Variants in XPO4 observed in about 807,000 individuals in gnomAD.
XPO4 encodes the protein exportin-4.
Under a neutral mutation model 143.0 loss-of-function variants are expected in XPO4, and 39 were observed. The observed-to-expected ratio is 0.27, with a 90% CI of 0.21 to 0.36. The LOEUF is 0.36. Among genes scored for constraint, XPO4 ranks in the 10% least tolerant of loss-of-function variants. The pLI, the probability that XPO4 is intolerant of heterozygous loss-of-function variation, is 1.00. For missense variants in XPO4, 907 were observed against 1,348.0 expected, an observed-to-expected ratio of 0.67 and a Z score of 5.12; for synonymous variants, 439 against 474.0, an observed-to-expected ratio of 0.93 and a Z score of 0.96.
intron 5 of XPO4, 54 bp from the exon 6 acceptor site, chr13:20,843,102 C>T (rs1331470786): frequency 1.1e-5 from 16 of 1,483,954 alleles, no homozygotes; most frequent in African/African-American, 1.4e-5. Context: ...CAAAATGTAT[C>T]CCCTTTTAGA....
At chr13:20,893,818 G>A (rs933466732) in intron 1 of XPO4, among the ~76,000 whole-genome samples, 1 of 151,832 alleles carries the variant, frequency 6.6e-6, no homozygotes, top group Admixed American at 6.6e-5. Flanking sequence ...AACCTCCGTA[G>A]GTAAGGCAAA....
intron 19 of XPO4, among the ~76,000 whole-genome samples, chr13:20,789,843 C>T (rs954141287): frequency 6.6e-6 from 1 of 152,112 alleles, no homozygotes. Flanking sequence ...CATCCCCACC[C>T]TTATCCTGCT....
intron 4 of XPO4, among the ~76,000 whole-genome samples, chr13:20,854,151 A>C (rs890433020): frequency 6.6e-6 from 1 of 152,244 alleles, no homozygotes; most frequent in African/African-American, 2.4e-5. Flanking sequence ...ATGAATTTCT[A>C]AGGAAAACAA....
At chr13:20,856,765 A>ATATT (rs1201221184) in intron 3 of XPO4, 11 of 868,178 alleles carry the variant, frequency 1.3e-5, no homozygotes, top group Non-Finnish European at 1.5e-5. Flanking sequence ...AACTGCAGAC[A>ATATT]TATTGACCTT....
chr13:20,799,425 TA>T, intron 15 of XPO4, 86 bp from the exon 16 acceptor site: 2 of 1,205,608 alleles, frequency 1.7e-6, no homozygotes, highest in Non-Finnish European at 2.2e-6. Context: ...AAAACAAAAA[TA>T]AAAAATAACT....
At chr13:20,870,572 A>G (rs989439267) in intron 1 of XPO4, among the ~76,000 whole-genome samples, 5 of 152,082 alleles carry the variant, frequency 3.3e-5, no homozygotes, top group Non-Finnish European at 7.4e-5. Context: ...TCTACTAAAA[A>G]TACAAAAATG....
Position 20,841,832 on chromosome 13 carries a change from C to T in XPO4, c.727+1063G>A, listed in dbSNP as rs571963981. 4.0e-5 allele frequency among the ~76,000 whole-genome samples: 6 copies of T among 151,456 alleles called. No individual in the cohort carries two copies. The South Asian group carries it at 1.3e-3, about 32-fold the overall frequency. On this transcript the variant is annotated intron_variant, in intron 6 of 22. Coordinates refer to ENST00000255305, the MANE Select transcript of XPO4 (RefSeq NM_022459.5). ...TGTTACAATAAAAATGAGTCCCATA[C>T]TAGATCTCTGATCTGATTTCACATC...
intron 3 of XPO4, chr13:20,857,789 G>T (rs1314298348): frequency 1.1e-6 from 1 of 931,058 alleles, no homozygotes; most frequent in Non-Finnish European, 1.3e-6. Flanking sequence ...GCCCAATGCT[G>T]CAGAGTTAAG....
rs1042836970 is a variant in XPO4 at position 20,809,561 on chromosome 13, C to T, written c.1350+230G>A. ...CCAGACATCCATGGCCCAAATTATT[C>T]ATATCTCTTGACAGCTAGACAGAAA... On this transcript the variant is annotated intron_variant, in intron 10 of 22. Coordinates refer to ENST00000255305, the MANE Select transcript of XPO4 (RefSeq NM_022459.5). Among the ~76,000 whole-genome samples the T allele has an allele frequency of 8.7e-4, 133 of 152,148 alleles. 1 individual carries two copies. Among genetic ancestry groups the T allele is most frequent in the African/African-American group, 3.1e-3 (130 of 41,440 alleles).
Position 20,800,260 on chromosome 13 carries a change from G to A in XPO4, c.2043C>T (p.Tyr681=), listed in dbSNP as rs2059414351. Residue 681 remains tyrosine, a synonymous_variant, in exon 15 of 23, where the codon TAC becomes TAT. Transcript: ENST00000255305. ...GGTTACTGATGACTTTTTGTAAGAG[G>A]TAGCCAATTATCCACTGAGAACCCT... The part of the protein sequence containing the change: ...DTEGSQWIIG[Y]LLQKVISNLS... 3 of 1,614,036 alleles carry A rather than the reference G, an allele frequency of 1.9e-6. No individual in the cohort carries two copies. In the South Asian group the frequency reaches 3.3e-5, roughly 18 times the overall value.
At position 20,807,654 on chromosome 13, in the gene XPO4, A is replaced by T. The variant is rs2137883170; in HGVS notation, c.1640-20T>A. The T allele has an allele frequency of 6.5e-7, 1 of 1,541,508 alleles. No homozygotes were observed. The highest frequency in any genetic ancestry group is 1.3e-5 in the South Asian group (1 of 78,366). ...GGTAGCCTTCAGTTTAAAAAAAATT[A>T]AAAATGAACACTTAACAAATCTACA... On this transcript the variant is annotated intron_variant, in intron 12 of 22. Transcript: ENST00000255305.
At chr13:20,823,858 G>T (rs1032995052) in intron 7 of XPO4, among the ~76,000 whole-genome samples, 19 of 152,158 alleles carry the variant, frequency 1.2e-4, no homozygotes, top group Admixed American at 1.1e-3. Context: ...CGCCATGTTG[G>T]CCAGGCTGGT....
intron 7 of XPO4, among the ~76,000 whole-genome samples, chr13:20,826,246 A>G (rs963195669): frequency 6.6e-6 from 1 of 152,228 alleles, no homozygotes; most frequent in South Asian, 2.1e-4. Context: ...CTTGATATTT[A>G]GCCAATAATA....
chr13:20,807,012 C>T (rs534117024), intron 13 of XPO4, among the ~76,000 whole-genome samples: 109 of 152,144 alleles, frequency 7.2e-4, no homozygotes, highest in African/African-American at 2.2e-3. Context: ...ATACATATTT[C>T]CATTTTACGA....
At chr13:20,805,536 C>T (rs1164007376) in intron 13 of XPO4, among the ~76,000 whole-genome samples, 1 of 152,142 alleles carries the variant, frequency 6.6e-6, no homozygotes, top group Admixed American at 6.5e-5. Flanking sequence ...CCCCAGACAC[C>T]TTCATGGCCT....
intron 6 of XPO4, among the ~76,000 whole-genome samples, chr13:20,833,718 T>C (rs907560363): frequency 2.4e-4 from 36 of 151,870 alleles, no homozygotes; most frequent in African/African-American, 7.5e-4. Context: ...ACAACATGCA[T>C]AGGGAGAAAA....
At chr13:20,869,586 AT>A in intron 1 of XPO4, 1 of 808,908 alleles carries the variant, frequency 1.2e-6, no homozygotes, top group Non-Finnish European at 1.5e-6. Flanking sequence ...ACAATCAATT[AT>A]ATTAGATCAA....
At chr13:20,826,453 T>G (rs898963910) in intron 7 of XPO4, among the ~76,000 whole-genome samples, 9 of 152,206 alleles carry the variant, frequency 5.9e-5, no homozygotes, top group African/African-American at 2.2e-4. Flanking sequence ...CATAATAATA[T>G]GAAGACAGTA....
chr13:20,813,957 CAAA>C (rs557631755), intron 9 of XPO4, among the ~76,000 whole-genome samples: 8 of 89,786 alleles, frequency 8.9e-5, no homozygotes, highest in Admixed American at 1.2e-4. Flanking sequence ...GACGCTGTCT[CAAA>C]AAAAAAAAAA....
Sources: gnomAD v4.1 joint callset for allele counts (sites outside exome capture counted in the v4.1 genomes callset) on GRCh38, gnomAD v4.1.1 for gene constraint, MANE v1.5 for transcripts, NCBI Gene and HGNC (gene_info 2026-07-23, HGNC 2026-07-21) for gene names.